The following PCDHGA6 variants were observed in gnomAD, a reference collection of about 807,000 sequenced individuals.
PCDHGA6 encodes protocadherin gamma subfamily A, 6, also known as protocadherin gamma-A6.
A neutral mutation model predicts 60.6 loss-of-function variants in PCDHGA6; 41 were observed. That is an observed-to-expected ratio of 0.68 (90% CI 0.53 to 0.88). The LOEUF (loss-of-function observed/expected upper bound fraction) is 0.88. Among genes scored for constraint, PCDHGA6 ranks in the 40% least tolerant of loss-of-function variants. The pLI, the probability that PCDHGA6 is intolerant of heterozygous loss-of-function variation, is 0.00. For missense variants in PCDHGA6, 1,312 were observed against 1,203.0 expected (o/e 1.09, Z -1.34); for synonymous variants, 594 against 524.4 (o/e 1.13, Z -1.81).
intron 1 of PCDHGA6, chr5:141,379,735 C>G (rs1775784648): frequency 2.0e-5 from 3 of 152,002 alleles, no homozygotes; most frequent in Admixed American, 6.6e-5. Flanking sequence ...TAAGTTATGG[C>G]TAAATGAGGT....
At chr5:141,421,257 C>T (rs944057868) in intron 1 of PCDHGA6, 1 of 1,608,520 alleles carries the variant, frequency 6.2e-7, no homozygotes, top group African/African-American at 1.3e-5. Context: ...GCGGGGACCG[C>T]AGTCGGCTGC....
intron 1 of PCDHGA6, among the ~76,000 whole-genome samples, chr5:141,450,322 T>A (rs1246284108): frequency 6.6e-6 from 1 of 152,106 alleles, no homozygotes; most frequent in African/African-American, 2.4e-5. Context: ...CTAGTTGCCA[T>A]GTCTCTTTAA....
At chr5:141,393,243 G>A in intron 1 of PCDHGA6, 4 of 1,613,784 alleles carry the variant, frequency 2.5e-6, no homozygotes, top group Non-Finnish European at 3.4e-6. Flanking sequence ...AAAAATTAAC[G>A]AAATCGCGGT....
Position 141,432,617 on chromosome 5 carries a change from G to T in PCDHGA6, c.2424+56110G>T, listed in dbSNP as rs2097521313. The T allele has an allele frequency of 6.2e-7, 1 of 1,613,578 alleles. No homozygotes were observed. The highest frequency in any genetic ancestry group is 1.3e-5 in the African/African-American group (1 of 74,842). On this transcript the variant is annotated intron_variant, in intron 1 of 3. Coordinates refer to ENST00000517434, the MANE Select transcript of PCDHGA6 (RefSeq NM_018919.3). This position sits in a 1 kb window ranked among gnomAD's most constrained non-coding sequence, Gnocchi z 6.0. ...CAGCGAGCCGGGACTCTTCTCGGTGGGTCTGCACACGGGCGAGGTGCGCAC... is the reference window on the plus strand; with the variant it reads ...CAGCGAGCCGGGACTCTTCTCGGTGTGTCTGCACACGGGCGAGGTGCGCAC...
At chr5:141,384,798 G>A in intron 1 of PCDHGA6, 3 of 1,613,448 alleles carry the variant, frequency 1.9e-6, no homozygotes, top group Non-Finnish European at 2.5e-6. Flanking sequence ...GGGCCCTGCT[G>A]GACAGAGATG....
chr5:141,386,534 T>A (rs1561611722), intron 1 of PCDHGA6, among the ~76,000 whole-genome samples: 1 of 151,950 alleles, frequency 6.6e-6, no homozygotes, highest in African/African-American at 2.4e-5. Context: ...CTTTTTAGAC[T>A]AGTGTTGTAT....
chr5:141,446,468 A>G (rs2098503159), intron 1 of PCDHGA6, among the ~76,000 whole-genome samples: 1 of 149,982 alleles, frequency 6.7e-6, no homozygotes, highest in African/African-American at 2.5e-5. Flanking sequence ...GTGATTAGAC[A>G]TATGGTCATC....
chr5:141,389,068 C>T (rs1265953328), intron 1 of PCDHGA6: 2 of 1,613,904 alleles, frequency 1.2e-6, no homozygotes, highest in East Asian at 2.2e-5. Flanking sequence ...ATATTAACTT[C>T]TTCAAGAAAC....
chr5:141,478,657 G>A, intron 1 of PCDHGA6: 2 of 1,551,912 alleles, frequency 1.3e-6, no homozygotes, highest in Non-Finnish European at 1.7e-6. Flanking sequence ...TCCTGGTGAT[G>A]CATTCACACT....
rs151293422 is a variant in PCDHGA6, at chr5:141,487,556, A to G, written c.2425-7251A>G. ...GATGGTGAAGTCACCCAGTGCACCT[A>G]TGGCAGGGGAGCCTGTTCGCCCAAG... On this transcript the variant is annotated intron_variant, in intron 1 of 3. Coordinates refer to ENST00000517434, the MANE Select transcript of PCDHGA6 (RefSeq NM_018919.3). This position sits in a 1 kb window ranked among gnomAD's most constrained non-coding sequence, Gnocchi z 5.0. 2,837 of 1,614,100 alleles carry G rather than the reference A, an allele frequency of 1.8e-3. 31 individuals are homozygous for G. The highest frequency in any genetic ancestry group is 1.2e-3 in the South Asian group (105 of 91,084).
At chr5:141,484,176 A>G (rs1044076131) in intron 1 of PCDHGA6, among the ~76,000 whole-genome samples, 1 of 152,236 alleles carries the variant, frequency 6.6e-6, no homozygotes, top group East Asian at 1.9e-4. Context: ...GCTGATCTCA[A>G]TCATTCAAGG....
chr5:141,422,106 C>G (rs763336868), intron 1 of PCDHGA6: 1 of 1,607,266 alleles, frequency 6.2e-7, no homozygotes, highest in Admixed American at 1.7e-5. Flanking sequence ...CTGAAATATT[C>G]CAATTGGATT....
At chr5:141,427,519 G>A (rs1428732557) in intron 1 of PCDHGA6, 1 of 602,000 alleles carries the variant, frequency 1.7e-6, no homozygotes, top group Non-Finnish European at 3.1e-6. Context: ...GATTGGGAGC[G>A]GATCCCGGAG....
chr5:141,388,356 C>A (rs756910714), intron 1 of PCDHGA6: 2 of 1,613,944 alleles, frequency 1.2e-6, no homozygotes, highest in Non-Finnish European at 1.7e-6. Flanking sequence ...AGGATCTGCC[C>A]ATGATGCGGA....
intron 1 of PCDHGA6, chr5:141,389,656 C>T (rs763730959): frequency 1.2e-6 from 2 of 1,612,538 alleles, no homozygotes; most frequent in Non-Finnish European, 1.7e-6. Context: ...AAGGTAGTGG[C>T]GGTGGACGCA....
chr5:141,460,157 C>T (rs1388985005), intron 1 of PCDHGA6, among the ~76,000 whole-genome samples: 1 of 151,968 alleles, frequency 6.6e-6, no homozygotes, highest in Admixed American at 6.6e-5. Context: ...CTCTTTGTCA[C>T]ATACATATTT....
At chr5:141,423,090 G>A in intron 1 of PCDHGA6, 2 of 1,614,022 alleles carry the variant, frequency 1.2e-6, no homozygotes, top group Non-Finnish European at 1.7e-6. Flanking sequence ...TCGCGGTGGG[G>A]GAGCACACGG....
rs779250544 is a variant in PCDHGA6, at chr5:141,432,639, G to A, written c.2424+56132G>A. The A allele has an allele frequency of 1.2e-6, 2 of 1,613,816 alleles. No homozygotes were observed. Among genetic ancestry groups the A allele is most frequent in the Non-Finnish European group, 1.7e-6 (2 of 1,179,934 alleles). On this transcript the variant is annotated intron_variant, in intron 1 of 3. Coordinates refer to ENST00000517434, the MANE Select transcript of PCDHGA6 (RefSeq NM_018919.3). This position sits in a 1 kb window ranked among gnomAD's most constrained non-coding sequence, Gnocchi z 6.0. Reference sequence around the variant, plus strand: ...GTGGGTCTGCACACGGGCGAGGTGCGCACGGCGCGAGCCCTGCTGGACAGA... The same window carrying A: ...GTGGGTCTGCACACGGGCGAGGTGCACACGGCGCGAGCCCTGCTGGACAGA...
intron 1 of PCDHGA6, chr5:141,398,722 A>T: frequency 1.9e-6 from 3 of 1,613,816 alleles, no homozygotes; most frequent in Non-Finnish European, 2.5e-6. Context: ...ACTGGAGAAA[A>T]CCTTAGACCG....
Sources: gnomAD v4.1 joint callset for allele counts (sites outside exome capture counted in the v4.1 genomes callset) on GRCh38, gnomAD v4.1.1 for gene constraint, Gnocchi (gnomAD v3.1) non-coding constraint, MANE v1.5 for transcripts, NCBI Gene and HGNC (gene_info 2026-07-23, HGNC 2026-07-21) for gene names.